The following DCLK2 variants were observed in gnomAD, a reference collection of about 807,000 sequenced individuals.
The protein encoded by DCLK2 is serine/threonine-protein kinase DCLK2.
Under a neutral mutation model 78.4 loss-of-function variants are expected in DCLK2, and 31 were observed. The ratio of observed to expected loss-of-function variants is 0.40; its 90% CI spans 0.30 to 0.53. The LOEUF is 0.53. Among genes scored for constraint, DCLK2 ranks in the 20% least tolerant of loss-of-function variants. The pLI is 0.61. For missense variants in DCLK2, 872 were observed against 973.7 expected, an observed-to-expected ratio of 0.90 and a Z score of 1.39; for synonymous variants, 407 against 374.9, an observed-to-expected ratio of 1.09 and a Z score of -0.99.
At chr4:150,214,644 T>C (rs987718462) in intron 5 of DCLK2, among the ~76,000 whole-genome samples, 2 of 152,062 alleles carry the variant, frequency 1.3e-5, no homozygotes, top group South Asian at 2.1e-4. Flanking sequence ...GCCTAAAATA[T>C]TACTTTCTGG....
At chr4:150,202,853 T>C (rs1739554603) in intron 4 of DCLK2, among the ~76,000 whole-genome samples, 1 of 152,108 alleles carries the variant, frequency 6.6e-6, no homozygotes, top group South Asian at 2.1e-4. Flanking sequence ...TTTTGTGAAA[T>C]TACTGCAGAA....
At chr4:150,151,797 C>A (rs1038373410) in intron 2 of DCLK2, among the ~76,000 whole-genome samples, 1 of 151,958 alleles carries the variant, frequency 6.6e-6, no homozygotes, top group Non-Finnish European at 1.5e-5. Flanking sequence ...TGGTGGCAGG[C>A]GCCTGTGATC....
chr4:150,130,739 C>T (rs74597291), intron 2 of DCLK2, among the ~76,000 whole-genome samples: 2,151 of 152,150 alleles, frequency 0.014, 65 homozygotes, highest in African/African-American at 0.048. Flanking sequence ...GAGACATGCT[C>T]ACTCTAGATG....
chr4:150,220,301 A>T (rs958291884), intron 5 of DCLK2, among the ~76,000 whole-genome samples: 1 of 152,230 alleles, frequency 6.6e-6, no homozygotes, highest in Non-Finnish European at 1.5e-5. Flanking sequence ...GTTGTCATTT[A>T]TCATGAGGAA....
intron 1 of DCLK2, among the ~76,000 whole-genome samples, chr4:150,081,365 GCAACTGTAGTTT>G (rs1729253240): frequency 6.6e-6 from 1 of 152,152 alleles, no homozygotes; most frequent in Non-Finnish European, 1.5e-5. Context: ...GTCTACTTCT[GCAACTGTAGTTT>G]CAACTACAAA....
intron 2 of DCLK2, among the ~76,000 whole-genome samples, chr4:150,158,969 A>C (rs535598716): frequency 6.6e-6 from 1 of 152,206 alleles, no homozygotes; most frequent in Admixed American, 6.5e-5. Context: ...ATAGCGTAGT[A>C]TTTAGAAACC....
chr4:150,088,551 G>T (rs893518213), intron 1 of DCLK2, among the ~76,000 whole-genome samples: 9 of 151,734 alleles, frequency 5.9e-5, no homozygotes, highest in Non-Finnish European at 4.4e-5. Context: ...CAGTCCTCTC[G>T]CCTCAGTCTC....
At chr4:150,234,199 T>C (rs981239545) in intron 10 of DCLK2, among the ~76,000 whole-genome samples, 4 of 152,242 alleles carry the variant, frequency 2.6e-5, no homozygotes, top group Non-Finnish European at 5.9e-5. Flanking sequence ...TTGTAATACA[T>C]TGAGCAAAAG....
intron 1 of DCLK2, among the ~76,000 whole-genome samples, chr4:150,089,084 A>G (rs956563121): frequency 4.6e-5 from 7 of 152,136 alleles, no homozygotes; most frequent in African/African-American, 1.7e-4. Flanking sequence ...AGATATTCCA[A>G]AATCTGAAAT....
intron 8 of DCLK2, among the ~76,000 whole-genome samples, chr4:150,230,538 A>G (rs925115378): frequency 1.3e-5 from 2 of 152,222 alleles, no homozygotes. Flanking sequence ...GACAGTAGCA[A>G]CTGTTGTCTT....
chr4:150,095,359 A>G (rs1186689465), intron 1 of DCLK2, among the ~76,000 whole-genome samples: 1 of 152,226 alleles, frequency 6.6e-6, no homozygotes, highest in South Asian at 2.1e-4. Context: ...TTCCATTTCA[A>G]ACTCTGTATG....
intron 2 of DCLK2, among the ~76,000 whole-genome samples, chr4:150,122,516 C>T (rs1172274104): frequency 1.3e-5 from 2 of 152,134 alleles, no homozygotes; most frequent in Admixed American, 1.3e-4. Context: ...GAAAACTAAA[C>T]ACCACATGTT....
intron 15 of DCLK2, among the ~76,000 whole-genome samples, chr4:150,250,151 C>G (rs1448099385): frequency 6.6e-6 from 1 of 152,078 alleles, no homozygotes; most frequent in Non-Finnish European, 1.5e-5. Context: ...TTATAAAACA[C>G]AGTTTGGGGC....
rs866945478 is a variant in DCLK2, at chr4:150,175,140, G to A, written c.757-17998G>A. Among the ~76,000 whole-genome samples, 327 of 53,384 alleles carry A rather than the reference G, an allele frequency of 6.1e-3. 69 individuals carry two copies. Among genetic ancestry groups the A allele is most frequent in the African/African-American group, 0.022 (154 of 6,886 alleles). The allele number at this position is 53,384 out of a possible 152,430, so 35.0% of individuals were successfully genotyped here. On this transcript the variant is annotated intron_variant, in intron 2 of 15. Transcript: ENST00000296550. Reference sequence around the variant, plus strand: ...TATTTTTTATATATATATAATTTATGTATATTTTATATATATTTATAATTT... The same window carrying A: ...TATTTTTTATATATATATAATTTATATATATTTTATATATATTTATAATTT...
At chr4:150,222,059 A>G (rs1310541545) in intron 7 of DCLK2, among the ~76,000 whole-genome samples, 3 of 151,976 alleles carry the variant, frequency 2.0e-5, no homozygotes, top group South Asian at 2.1e-4. Context: ...TGGCACCATC[A>G]TAGTTCACTG....
chr4:150,181,829 T>C (rs1030872972), intron 2 of DCLK2, among the ~76,000 whole-genome samples: 6 of 152,144 alleles, frequency 3.9e-5, no homozygotes, highest in African/African-American at 1.2e-4. Context: ...AAAGGGTCCT[T>C]CCCTTACTGT....
intron 2 of DCLK2, among the ~76,000 whole-genome samples, chr4:150,162,553 T>C (rs1217138853): frequency 6.6e-6 from 1 of 152,206 alleles, no homozygotes; most frequent in African/African-American, 2.4e-5. Context: ...TTTAAATTAA[T>C]TTATTGAATG....
At chr4:150,112,457 G>T (rs1324515129) in intron 2 of DCLK2, among the ~76,000 whole-genome samples, 2 of 152,158 alleles carry the variant, frequency 1.3e-5, no homozygotes, top group African/African-American at 4.8e-5. Flanking sequence ...TCCAGTAACT[G>T]TATTGAATAG....
At chr4:150,228,924 G>T (rs1741821161) in intron 8 of DCLK2, among the ~76,000 whole-genome samples, 1 of 151,978 alleles carries the variant, frequency 6.6e-6, no homozygotes, top group Admixed American at 6.5e-5. Flanking sequence ...TACTCGGGAG[G>T]CTGAGGCAGG....
Sources: allele counts gnomAD v4.1 joint callset (sites outside exome capture counted in the v4.1 genomes callset), GRCh38; gene constraint gnomAD v4.1.1; transcripts MANE v1.5; gene names NCBI Gene and HGNC (gene_info 2026-07-23, HGNC 2026-07-21).